Variants in KCNMA1 observed in about 807,000 individuals in gnomAD.
KCNMA1 encodes the protein Calcium-activated potassium channel subunit alpha-1.
In KCNMA1, 29 loss-of-function variants were observed where a neutral mutation model predicts 140.0. That is an observed-to-expected ratio of 0.21 (90% confidence interval 0.15 to 0.28). The LOEUF (loss-of-function observed/expected upper bound fraction) is 0.28, where lower values mean the gene tolerates loss of function less well. KCNMA1 is among the 10% of genes least tolerant of loss of function. The pLI is 1.00. For synonymous variants in KCNMA1, 612 were observed against 611.9 expected (o/e 1.00, Z 0.00); for missense variants, 880 against 1,602.2 (o/e 0.55, Z 7.70).
At chr10:77,357,929 T>C (rs896505591) in intron 2 of KCNMA1, among the ~76,000 whole-genome samples, 1 of 152,120 alleles carries the variant, frequency 6.6e-6, no homozygotes, top group Non-Finnish European at 1.5e-5. Flanking sequence ...TGAAGTGGAC[T>C]GGGGGTCTCG....
At chr10:77,384,066 T>A (rs1336864819) in intron 2 of KCNMA1, among the ~76,000 whole-genome samples, 1 of 152,252 alleles carries the variant, frequency 6.6e-6, no homozygotes, top group Non-Finnish European at 1.5e-5. Context: ...CTAGATGGTG[T>A]CTGACTCTAA....
intron 1 of KCNMA1, among the ~76,000 whole-genome samples, chr10:77,480,555 TAAGCAAATC>T (rs2098371696): frequency 6.6e-6 from 1 of 152,178 alleles, no homozygotes; most frequent in Non-Finnish European, 1.5e-5. Flanking sequence ...GAGCAAGAAA[TAAGCAAATC>T]ATTATCTACA....
chr10:77,144,590 A>G (rs2098252405), intron 5 of KCNMA1, among the ~76,000 whole-genome samples: 1 of 152,204 alleles, frequency 6.6e-6, no homozygotes, highest in Admixed American at 6.5e-5. Context: ...TGTATAATAT[A>G]CTTATTAAAA....
intron 14 of KCNMA1, among the ~76,000 whole-genome samples, chr10:77,055,784 T>A (rs2095522008): frequency 6.6e-6 from 1 of 151,978 alleles, no homozygotes; most frequent in East Asian, 1.9e-4. Context: ...AGCCCTTCCA[T>A]CAAAAGATCA....
At chr10:77,399,534 C>T (rs78089469) in intron 2 of KCNMA1, among the ~76,000 whole-genome samples, 3,367 of 152,308 alleles carry the variant, frequency 0.022, 126 homozygotes, top group African/African-American at 0.076. Flanking sequence ...CAAGAGAAGG[C>T]TCTGTCCAGT....
chr10:76,923,936 C>G (rs901194343), intron 23 of KCNMA1, among the ~76,000 whole-genome samples: 7 of 152,082 alleles, frequency 4.6e-5, no homozygotes, highest in African/African-American at 1.7e-4. Context: ...GCCAGGGAGG[C>G]AGAGGTTGCA....
intron 23 of KCNMA1, among the ~76,000 whole-genome samples, chr10:76,931,040 T>G (rs191483602): frequency 6.6e-6 from 1 of 152,266 alleles, no homozygotes; most frequent in South Asian, 2.1e-4. Flanking sequence ...CTTGCCATTA[T>G]AGGATGAATA....
chr10:77,437,358 C>T (rs528816588), intron 1 of KCNMA1, among the ~76,000 whole-genome samples: 15 of 152,098 alleles, frequency 9.9e-5, no homozygotes, highest in African/African-American at 2.9e-4. Context: ...TCAGTGGCAC[C>T]GGATAAAAAT....
chr10:77,101,707 A>C (rs987713496), intron 9 of KCNMA1, among the ~76,000 whole-genome samples: 1 of 152,170 alleles, frequency 6.6e-6, no homozygotes, highest in Non-Finnish European at 1.5e-5. Context: ...TTTCGACCAG[A>C]GCCATGTCTG....
At chr10:77,637,232 G>A in intron 1 of KCNMA1, 33 bp downstream of exon 1, 1 of 1,561,974 alleles carries the variant, frequency 6.4e-7, no homozygotes, top group Non-Finnish European at 8.7e-7. Context: ...GGTGGGGCTG[G>A]CGCAGAGGGC....
intron 15 of KCNMA1, chr10:77,039,291 T>C: frequency 1.7e-6 from 1 of 589,912 alleles, no homozygotes; most frequent in Non-Finnish European, 3.0e-6. Context: ...GCATAAATGA[T>C]GAATTCAAGT....
intron 1 of KCNMA1, among the ~76,000 whole-genome samples, chr10:77,505,023 T>C (rs2045324746): frequency 6.6e-6 from 1 of 152,120 alleles, no homozygotes; most frequent in Non-Finnish European, 1.5e-5. Context: ...CATCTGTTCA[T>C]TCATGCCATC....
Position 77,251,173 on chromosome 10 carries a change from GAA to G in KCNMA1, c.602+20_602+21del, listed in dbSNP as rs1565496667. On this transcript the variant is annotated intron_variant, in intron 3 of 27. Transcript: ENST00000286628. ...ATGATTGTTTATGAAACGAGGGCAAGAAAGTATATTTGAATACTCACTTTGAT... is the reference window on the plus strand; with the variant it reads ...ATGATTGTTTATGAAACGAGGGCAAGAGTATATTTGAATACTCACTTTGAT... The G allele has an allele frequency of 1.9e-6, 3 of 1,570,864 alleles. No individual in the cohort carries two copies. The highest frequency in any genetic ancestry group is 2.2e-5 in the South Asian group (2 of 90,180).
At chr10:77,584,489 G>A (rs1436340969) in intron 1 of KCNMA1, among the ~76,000 whole-genome samples, 3 of 152,086 alleles carry the variant, frequency 2.0e-5, no homozygotes, top group Non-Finnish European at 4.4e-5. Context: ...AGAGTAGCTG[G>A]GACTACAGGT....
At chr10:77,330,970 C>T (rs1439721120) in intron 2 of KCNMA1, among the ~76,000 whole-genome samples, 2 of 152,064 alleles carry the variant, frequency 1.3e-5, no homozygotes, top group African/African-American at 4.8e-5. Context: ...TAGGAGGGTC[C>T]TATTGTTATT....
intron 9 of KCNMA1, among the ~76,000 whole-genome samples, chr10:77,107,321 T>C (rs2097216614): frequency 6.6e-6 from 1 of 152,044 alleles, no homozygotes; most frequent in Admixed American, 6.5e-5. Flanking sequence ...GTGATGAAAG[T>C]TTTCTGTGTC....
At chr10:77,368,295 T>A (rs2094485867) in intron 2 of KCNMA1, among the ~76,000 whole-genome samples, 1 of 152,210 alleles carries the variant, frequency 6.6e-6, no homozygotes, top group Admixed American at 6.5e-5. Flanking sequence ...TGGCTAAAGA[T>A]GCTGATGTTC....
At chr10:77,318,066 T>A (rs1334398536) in intron 2 of KCNMA1, among the ~76,000 whole-genome samples, 8 of 152,164 alleles carry the variant, frequency 5.3e-5, no homozygotes, top group Non-Finnish European at 1.2e-4. Context: ...ACCCAGAAAG[T>A]GCTAAGTGTC....
At chr10:77,118,381 G>A (rs1291531145) in intron 6 of KCNMA1, among the ~76,000 whole-genome samples, 1 of 152,252 alleles carries the variant, frequency 6.6e-6, no homozygotes, top group Admixed American at 6.5e-5. Context: ...CACCTGGAGA[G>A]AGAATGGCCT....
Sources: gnomAD v4.1 joint callset for allele counts (sites outside exome capture counted in the v4.1 genomes callset) on GRCh38, gnomAD v4.1.1 for gene constraint, MANE v1.5 for transcripts, NCBI Gene and HGNC (gene_info 2026-07-23, HGNC 2026-07-21) for gene names.